Variants in HHLA1 observed in about 807,000 individuals in gnomAD.
The protein encoded by HHLA1 is HERV-H LTR-associating protein 1.
In HHLA1, 72 loss-of-function variants were observed where a neutral mutation model predicts 69.9. The ratio of observed to expected loss-of-function variants is 1.03; its 90% CI spans 0.85 to 1.25. The LOEUF is 1.25. Among genes scored for constraint, HHLA1 ranks in the 50% most tolerant of loss-of-function variants. HHLA1 has a pLI of 0.00. For missense variants in HHLA1, 685 were observed against 642.2 expected (o/e 1.07, Z -0.72); for synonymous variants, 252 against 233.2 (o/e 1.08, Z -0.73).
intron 10 of HHLA1, chr8:132,080,874 GGGT>G (rs1261470248): frequency 3.9e-5 from 6 of 152,004 alleles, no homozygotes; most frequent in Non-Finnish European, 7.4e-5. Flanking sequence ...TTGTGGTAAG[GGGT>G]GATATTGTGG....
Position 132,100,362 on chromosome 8 carries a change from C to T in HHLA1, c.140-228G>A, listed in dbSNP as rs146164412. Among the ~76,000 whole-genome samples the T allele has an allele frequency of 2.3e-3, 357 of 152,072 alleles. 2 individuals are homozygous for T. Among genetic ancestry groups the T allele is most frequent in the African/African-American group, 7.7e-3 (318 of 41,438 alleles). ...TGCACATTTTAATAAATCAGCTTGGCGATTCTGATACAGGGGGTCTAATTT... is the reference window on the plus strand; with the variant it reads ...TGCACATTTTAATAAATCAGCTTGGTGATTCTGATACAGGGGGTCTAATTT... On this transcript the variant is annotated intron_variant, in intron 3 of 16. Transcript: ENST00000414222.
At position 132,071,480 on chromosome 8, in the gene HHLA1, T is replaced by A. The variant is rs1240801043; in HGVS notation, c.1329A>T (p.Pro443=). Residue 443 remains proline (P), a synonymous_variant, in exon 15 of 17, where the codon CCA becomes CCT. Coordinates refer to ENST00000414222, the MANE Select transcript of HHLA1 (RefSeq NM_001145095.3). ...CTGCCATAGCTCCCACCTTGAAGAG[T>A]GGCTGAGGACACCCTAGAAGATGCA... The part of the protein sequence containing the change: ...RPHQVSRCPQ[P]LFKVGAMAAA... 1 of 1,551,316 alleles carries A rather than the reference T, an allele frequency of 6.4e-7. No homozygotes were observed. The highest frequency in any genetic ancestry group is 1.2e-5 in the South Asian group (1 of 84,032).
chr8:132,080,025 C>G, intron 10 of HHLA1, 59 bp from the exon 11 acceptor site: 1 of 1,546,084 alleles, frequency 6.5e-7, no homozygotes, highest in Non-Finnish European at 8.8e-7. Context: ...CATAAAAAAA[C>G]TGAAAGGTCA....
intron 14 of HHLA1, 116 bp downstream of exon 14, chr8:132,075,939 T>C (rs1411295726): frequency 8.2e-6 from 6 of 733,412 alleles, no homozygotes; most frequent in Middle Eastern, 4.8e-4. Context: ...GAGCTAAGAT[T>C]TGAATCCCAT....
At chr8:132,075,427 G>A (rs1417545131) in intron 14 of HHLA1, among the ~76,000 whole-genome samples, 2 of 152,170 alleles carry the variant, frequency 1.3e-5, no homozygotes, top group Non-Finnish European at 2.9e-5. Context: ...CTGGAAAAAT[G>A]CAGCAAAAAC....
chr8:132,102,913 G>A (rs1397538580), intron 3 of HHLA1, among the ~76,000 whole-genome samples: 2 of 151,786 alleles, frequency 1.3e-5, no homozygotes, highest in African/African-American at 4.8e-5. Flanking sequence ...CACCAGTGGA[G>A]CACAGATTTT....
chr8:132,078,007 A>C, intron 11 of HHLA1, 36 bp from the exon 12 acceptor site: 1 of 1,542,090 alleles, frequency 6.5e-7, no homozygotes, highest in Non-Finnish European at 8.8e-7. Context: ...GGGTACAGAC[A>C]TGCTTGACCA....
In HHLA1 at chr8:132,103,251, C is replaced by T. The variant is rs147281457; in HGVS notation, c.139+857G>A. 1.8e-3 allele frequency among the ~76,000 whole-genome samples: 275 copies of T among 152,266 alleles called. 1 individual carries two copies. Among genetic ancestry groups the T allele is most frequent in the African/African-American group, 6.3e-3 (262 of 41,560 alleles). Reference sequence around the variant, plus strand: ...AAAGGGAAGCTGTTGGCTGGGGGAGCATTTTAACTTTATACGCTTTTGTAA... The same window carrying T: ...AAAGGGAAGCTGTTGGCTGGGGGAGTATTTTAACTTTATACGCTTTTGTAA... On this transcript the variant is annotated intron_variant, in intron 3 of 16. Transcript: ENST00000414222.
chr8:132,104,421 A>G (rs1424482098), intron 2 of HHLA1, among the ~76,000 whole-genome samples: 1 of 152,220 alleles, frequency 6.6e-6, no homozygotes, highest in African/African-American at 2.4e-5. Context: ...AAAGGCAGAC[A>G]CATAGGAAAA....
intron 15 of HHLA1, chr8:132,070,073 C>A (rs942908012): frequency 1.8e-5 from 3 of 171,354 alleles, no homozygotes; most frequent in Non-Finnish European, 3.5e-5. Context: ...AAATGGCTGT[C>A]CACCTGGGCT....
Position 132,075,878 on chromosome 8 carries a change from A to G in HHLA1, c.1315+177T>C, listed in dbSNP as rs1002675105. On this transcript the variant is annotated intron_variant, in intron 14 of 16. Transcript: ENST00000414222. ...ATTATTCTTGCTTTACAGTTGAGGG[A>G]ACTGAATCTTGGAAGTTGAGTACTG... Among the ~76,000 whole-genome samples the G allele has an allele frequency of 6.1e-4, 93 of 152,298 alleles. 1 individual carries two copies. The highest frequency in any genetic ancestry group is 2.2e-3 in the African/African-American group (92 of 41,560).
At chr8:132,084,528 G>A (rs1375733812) in intron 10 of HHLA1, among the ~76,000 whole-genome samples, 3 of 152,174 alleles carry the variant, frequency 2.0e-5, no homozygotes, top group African/African-American at 7.2e-5. Flanking sequence ...GATTTTGCAG[G>A]ATGGAGAAAT....
chr8:132,082,777 G>A (rs1471678692), intron 10 of HHLA1, among the ~76,000 whole-genome samples: 3 of 152,156 alleles, frequency 2.0e-5, no homozygotes, highest in Non-Finnish European at 4.4e-5. Context: ...AAGAGGGTAC[G>A]GGTTGGGCAC....
At chr8:132,099,808 C>G (rs530642424) in intron 4 of HHLA1, among the ~76,000 whole-genome samples, 1 of 151,766 alleles carries the variant, frequency 6.6e-6, no homozygotes, top group South Asian at 2.1e-4. Flanking sequence ...GAGCCAAGAT[C>G]GTGCTATTGC....
At chr8:132,072,389 A>G (rs1036534341) in intron 14 of HHLA1, among the ~76,000 whole-genome samples, 7 of 152,138 alleles carry the variant, frequency 4.6e-5, no homozygotes, top group African/African-American at 1.7e-4. Context: ...TGCATATTGA[A>G]AAGTTGTTTG....
At position 132,068,686 on chromosome 8, in the gene HHLA1, C is replaced by T. The variant is rs79028827; in HGVS notation, c.1469+2654G>A. Among the ~76,000 whole-genome samples the T allele has an allele frequency of 4.8e-3, 734 of 152,308 alleles. 3 individuals carry two copies. The highest frequency in any genetic ancestry group is 0.03 in the East Asian group (155 of 5,174). On this transcript the variant is annotated intron_variant, in intron 15 of 16. Transcript: ENST00000414222. ...TAGGTATGTCTATCTAAATTCCTAG[C>T]AGACCAGAGCTGCTGCACGCACTGT...
chr8:132,094,574 C>T (rs759283765), intron 7 of HHLA1, among the ~76,000 whole-genome samples: 10 of 152,202 alleles, frequency 6.6e-5, no homozygotes, highest in Admixed American at 2.6e-4. Flanking sequence ...CCCTCACATC[C>T]TGAAGGTCAC....
At chr8:132,072,319 C>A (rs1272903615) in intron 14 of HHLA1, among the ~76,000 whole-genome samples, 1 of 151,690 alleles carries the variant, frequency 6.6e-6, no homozygotes, top group East Asian at 1.9e-4. Flanking sequence ...ATAGGGAGAC[C>A]CATCCCTATC....
chr8:132,069,296 A>G (rs146984210), intron 15 of HHLA1, among the ~76,000 whole-genome samples: 21 of 152,342 alleles, frequency 1.4e-4, no homozygotes, highest in African/African-American at 5.1e-4. Flanking sequence ...CAGGTCTGCT[A>G]CAGCACTTGT....
Sources: gnomAD v4.1 joint callset for allele counts (sites outside exome capture counted in the v4.1 genomes callset) on GRCh38, gnomAD v4.1.1 for gene constraint, MANE v1.5 for transcripts, NCBI Gene and HGNC (gene_info 2026-07-23, HGNC 2026-07-21) for gene names.